The following NTRK3 variants were observed in gnomAD, a reference collection of about 807,000 sequenced individuals.
NTRK3 encodes the protein neurotrophic receptor tyrosine kinase 3.
In NTRK3, 24 loss-of-function variants were observed where a neutral mutation model predicts 91.7. That is an observed-to-expected ratio of 0.26 (90% CI 0.19 to 0.37). The LOEUF is 0.37. Among genes scored for constraint, NTRK3 ranks in the 10% least tolerant of loss-of-function variants. NTRK3 has a pLI of 1.00. For synonymous variants in NTRK3, 483 were observed against 404.0 expected (o/e 1.20, Z -2.34); for missense variants, 880 against 1,068.9 (o/e 0.82, Z 2.46).
chr15:88,007,361 T>G (rs1441682624), intron 14 of NTRK3, among the ~76,000 whole-genome samples: 1 of 151,970 alleles, frequency 6.6e-6, no homozygotes, highest in Non-Finnish European at 1.5e-5. Flanking sequence ...GGCTAAGTGG[T>G]TTCAGGCAGA....
At chr15:88,067,952 A>C (rs1283043535) in intron 13 of NTRK3, among the ~76,000 whole-genome samples, 2 of 152,186 alleles carry the variant, frequency 1.3e-5, no homozygotes, top group Non-Finnish European at 2.9e-5. Context: ...TATACCTTTT[A>C]CAGCAGTTTT....
chr15:88,139,086 A>T (rs146366156), intron 6 of NTRK3, among the ~76,000 whole-genome samples: 30 of 152,330 alleles, frequency 2.0e-4, no homozygotes, highest in African/African-American at 6.7e-4. Context: ...CTGCTGACAC[A>T]GAGATGAAGA....
At chr15:88,160,121 G>A (rs1346541736) in intron 5 of NTRK3, among the ~76,000 whole-genome samples, 1 of 152,192 alleles carries the variant, frequency 6.6e-6, no homozygotes, top group Non-Finnish European at 1.5e-5. Flanking sequence ...GGAGAAAACA[G>A]GACTCGGACG....
intron 13 of NTRK3, among the ~76,000 whole-genome samples, chr15:88,101,759 T>C (rs199654088): frequency 2.0e-5 from 3 of 151,790 alleles, no homozygotes; most frequent in African/African-American, 7.3e-5. Flanking sequence ...CAGCAAACTA[T>C]CACAAGGACA....
intron 17 of NTRK3, chr15:87,927,174 TGAGGCTAC>T (rs2068386655): frequency 3.3e-5 from 5 of 152,264 alleles, no homozygotes; most frequent in African/African-American, 1.2e-4. Flanking sequence ...AGGTGGCTAG[TGAGGCTAC>T]CCAGCTTGCT....
chr15:88,079,138 G>C lies in NTRK3; in HGVS notation c.1397-46093C>G, dbSNP rs763102736. Among the ~76,000 whole-genome samples, 5 of 152,340 alleles carry C rather than the reference G, an allele frequency of 3.3e-5. No homozygotes were observed. The South Asian group carries it at 1.0e-3, about 32-fold the overall frequency. ...GCCTTCACAGCTGTGGAGCAAGAAGGGATGGTGGCAGGAACTAGGTGGTAC... is the reference window on the plus strand; with the variant it reads ...GCCTTCACAGCTGTGGAGCAAGAAGCGATGGTGGCAGGAACTAGGTGGTAC... On this transcript the variant is annotated intron_variant, in intron 13 of 18. Transcript: ENST00000394480.
At chr15:87,925,580 G>A (rs544839339) in intron 17 of NTRK3, 66 of 212,968 alleles carry the variant, frequency 3.1e-4, no homozygotes, top group South Asian at 1.9e-4. Context: ...CTGTCCGGGG[G>A]TATCAGCTCA....
intron 13 of NTRK3, among the ~76,000 whole-genome samples, chr15:88,045,855 C>T (rs2080133021): frequency 6.6e-6 from 1 of 152,236 alleles, no homozygotes; most frequent in South Asian, 2.1e-4. Context: ...TGTGTCTCTT[C>T]TCCTCTTTTT....
chr15:88,058,153 G>C (rs1253438553), intron 13 of NTRK3, among the ~76,000 whole-genome samples: 1 of 152,318 alleles, frequency 6.6e-6, no homozygotes, highest in Middle Eastern at 3.4e-3. Context: ...CTTTGACAGG[G>C]TCAGGAGCAA....
intron 14 of NTRK3, among the ~76,000 whole-genome samples, chr15:88,021,565 C>T (rs2077593761): frequency 6.6e-6 from 1 of 150,514 alleles, no homozygotes; most frequent in African/African-American, 2.4e-5. Context: ...CCAGGTTTTC[C>T]CAAAATTATT....
chr15:88,235,742 A>C lies in NTRK3; in HGVS notation c.248+20164T>G, dbSNP rs188279447. On this transcript the variant is annotated intron_variant, in intron 3 of 18. Coordinates refer to ENST00000394480, the Ensembl canonical transcript of NTRK3. The surrounding 1 kb of genome is among the most constrained non-coding windows in gnomAD (Gnocchi z 5.2). Reference sequence around the variant, plus strand: ...CCCCAGAAGGTGCCCTTGAGAAGTCAGTCATCTGTTTTCTGCCTGCTTCAC... The same window carrying C: ...CCCCAGAAGGTGCCCTTGAGAAGTCCGTCATCTGTTTTCTGCCTGCTTCAC... 3.3e-5 allele frequency among the ~76,000 whole-genome samples: 5 copies of C among 152,352 alleles called. No homozygotes were observed. The highest frequency in any genetic ancestry group is 3.3e-4 in the Admixed American group (5 of 15,310).
At chr15:88,114,483 T>C (rs2051813302) in intron 13 of NTRK3, among the ~76,000 whole-genome samples, 1 of 152,264 alleles carries the variant, frequency 6.6e-6, no homozygotes, top group African/African-American at 2.4e-5. Context: ...GGAAATATAT[T>C]GTAAACATGT....
At chr15:88,097,550 G>C (rs1288318162) in intron 13 of NTRK3, among the ~76,000 whole-genome samples, 1 of 152,028 alleles carries the variant, frequency 6.6e-6, no homozygotes, top group African/African-American at 2.4e-5. Flanking sequence ...TCCACCACCA[G>C]GAATCTAAGG....
exon 19 of NTRK3, chr15:87,874,523 A>T: frequency 4.3e-6 from 1 of 232,890 alleles, no homozygotes. Context: ...CCCATCTCCA[A>T]CCCAGTTCTT....
chr15:88,246,457 G>A (rs920368026), intron 3 of NTRK3, among the ~76,000 whole-genome samples: 3 of 152,192 alleles, frequency 2.0e-5, no homozygotes, highest in African/African-American at 7.2e-5. Flanking sequence ...GGCAGGGAGA[G>A]GGGAGAGATT....
At chr15:87,977,624 G>GA (rs2073840250) in intron 14 of NTRK3, 1 of 231,968 alleles carries the variant, frequency 4.3e-6, no homozygotes, top group African/African-American at 2.2e-5. Context: ...GCACAATGGG[G>GA]AACAGCCTGA....
intron 13 of NTRK3, among the ~76,000 whole-genome samples, chr15:88,068,330 G>C (rs889784318): frequency 2.0e-5 from 3 of 152,106 alleles, no homozygotes; most frequent in East Asian, 3.9e-4. Context: ...TACTCAGGAG[G>C]CTGAGGAAGA....
chr15:88,229,516 G>C (rs767874968), intron 3 of NTRK3, among the ~76,000 whole-genome samples: 1 of 152,100 alleles, frequency 6.6e-6, no homozygotes, highest in African/African-American at 2.4e-5. Flanking sequence ...GGATGCCTTC[G>C]TCACTCCCAT....
chr15:88,177,527 G>C (rs904890667), intron 5 of NTRK3, among the ~76,000 whole-genome samples: 4 of 152,216 alleles, frequency 2.6e-5, no homozygotes, highest in Admixed American at 2.0e-4. Flanking sequence ...GAGGCATCAA[G>C]AATGTCTCCC....
Sources: gnomAD v4.1 joint callset for allele counts (sites outside exome capture counted in the v4.1 genomes callset) on GRCh38, gnomAD v4.1.1 for gene constraint, Gnocchi (gnomAD v3.1) non-coding constraint, MANE v1.5 for transcripts, NCBI Gene and HGNC (gene_info 2026-07-23, HGNC 2026-07-21) for gene names.